The following PYHIN1 variants were observed in gnomAD, a reference collection of about 807,000 sequenced individuals.
PYHIN1 encodes pyrin and HIN domain-containing protein 1.
Under a neutral mutation model 43.7 loss-of-function variants are expected in PYHIN1, and 32 were observed. The observed-to-expected ratio is 0.73, with a 90% CI of 0.55 to 0.98. The LOEUF is 0.98. Among genes scored for constraint, PYHIN1 ranks in the 50% least tolerant of loss-of-function variants. The pLI is 0.00. For synonymous variants in PYHIN1, 205 were observed against 203.1 expected, an observed-to-expected ratio of 1.01 and a Z score of -0.08; for missense variants, 588 against 589.5, an observed-to-expected ratio of 1.00 and a Z score of 0.03.
chr1:158,952,556 T>C (rs1404617724), intron 7 of PYHIN1, among the ~76,000 whole-genome samples: 1 of 152,120 alleles, frequency 6.6e-6, no homozygotes, highest in Non-Finnish European at 1.5e-5. Flanking sequence ...TTTGTTATTT[T>C]GGCTTGGTGA....
chr1:158,963,214 G>A (rs1650428539), intron 7 of PYHIN1, among the ~76,000 whole-genome samples: 1 of 152,156 alleles, frequency 6.6e-6, no homozygotes, highest in African/African-American at 2.4e-5. Flanking sequence ...TCAGACTGGG[G>A]AAGGAACTGC....
chr1:158,945,694 T>C (rs894340075), intron 7 of PYHIN1, among the ~76,000 whole-genome samples: 1 of 152,228 alleles, frequency 6.6e-6, no homozygotes, highest in Non-Finnish European at 1.5e-5. Flanking sequence ...CCATACTTCC[T>C]TGATCTGGGG....
At chr1:158,947,252 T>C (rs538850638) in intron 7 of PYHIN1, among the ~76,000 whole-genome samples, 3 of 152,326 alleles carry the variant, frequency 2.0e-5, no homozygotes, top group African/African-American at 7.2e-5. Flanking sequence ...CATGAAATCA[T>C]TCCTGACTCA....
chr1:158,954,476 C>A (rs1178805053), intron 7 of PYHIN1, among the ~76,000 whole-genome samples: 2 of 145,334 alleles, frequency 1.4e-5, no homozygotes, highest in South Asian at 2.4e-4. Context: ...AATTTTCAAC[C>A]CAGAATTTCA....
At chr1:158,981,506 G>A (rs181844610), downstream of PYHIN1, among the ~76,000 whole-genome samples, 4 of 152,044 alleles carry the variant, frequency 2.6e-5, no homozygotes, top group Non-Finnish European at 5.9e-5. Flanking sequence ...AACAAACAAA[G>A]AAACCATATA....
intron 7 of PYHIN1, among the ~76,000 whole-genome samples, chr1:158,951,787 T>A (rs987074014): frequency 5.3e-5 from 8 of 152,212 alleles, no homozygotes; most frequent in African/African-American, 1.9e-4. Flanking sequence ...CAAAGTTTGC[T>A]CTTAATTGCT....
intron 1 of PYHIN1, among the ~76,000 whole-genome samples, chr1:158,935,188 G>A (rs1250551382): frequency 1.3e-5 from 2 of 151,922 alleles, no homozygotes; most frequent in African/African-American, 4.8e-5. Flanking sequence ...GAGGAATGTG[G>A]GAATGGCTTT....
the PYHIN1 span, among the ~76,000 whole-genome samples, chr1:158,984,941 G>A: frequency 1.3e-5 from 2 of 150,678 alleles, no homozygotes; most frequent in Non-Finnish European, 3.0e-5. Context: ...TTTGGTTTAA[G>A]GTCTGTTTTT....
the PYHIN1 span, among the ~76,000 whole-genome samples, chr1:158,985,092 C>G: frequency 6.6e-6 from 1 of 152,114 alleles, no homozygotes; most frequent in African/African-American, 2.4e-5. Context: ...GTAATTGAGT[C>G]TTGCTTCTTT....
intron 1 of PYHIN1, among the ~76,000 whole-genome samples, chr1:158,932,884 T>C (rs1648250081): frequency 6.6e-6 from 1 of 152,192 alleles, no homozygotes; most frequent in Admixed American, 6.5e-5. Flanking sequence ...AATAGATTTA[T>C]ATTGTCAAAG....
intron 7 of PYHIN1, among the ~76,000 whole-genome samples, chr1:158,948,101 C>G (rs12569215): frequency 6.6e-6 from 1 of 152,210 alleles, no homozygotes; most frequent in Non-Finnish European, 1.5e-5. Flanking sequence ...CTGAAGCATA[C>G]AGATGTGTGC....
chr1:158,978,269 C>G (rs1226669540), downstream of PYHIN1, among the ~76,000 whole-genome samples: 1 of 115,660 alleles, frequency 8.6e-6, no homozygotes, highest in South Asian at 3.1e-4. Context: ...GTGTGTGTGT[C>G]TATACATATA....
the PYHIN1 span, among the ~76,000 whole-genome samples, chr1:158,989,809 T>C: frequency 3.7e-4 from 57 of 152,306 alleles, no homozygotes; most frequent in African/African-American, 1.3e-3. Context: ...TTAAAACTAA[T>C]ACATTCTTAA....
At chr1:158,970,466 G>A (rs1170926587) in intron 7 of PYHIN1, among the ~76,000 whole-genome samples, 1 of 151,818 alleles carries the variant, frequency 6.6e-6, no homozygotes, top group African/African-American at 2.4e-5. Flanking sequence ...AGTCTCCAAT[G>A]TCTATTATCA....
chr1:158,974,893 T>C (rs1651161975), intron 8 of PYHIN1, among the ~76,000 whole-genome samples: 1 of 152,070 alleles, frequency 6.6e-6, no homozygotes, highest in Non-Finnish European at 1.5e-5. Flanking sequence ...TAGACATAAT[T>C]GAACATCCCA....
chr1:158,988,751 G>A, the PYHIN1 span, among the ~76,000 whole-genome samples: 2 of 152,112 alleles, frequency 1.3e-5, no homozygotes, highest in Non-Finnish European at 2.9e-5. Flanking sequence ...AAAATGAGGA[G>A]AGAGATAAAC....
At chr1:158,953,098 T>C (rs1245350598) in intron 7 of PYHIN1, among the ~76,000 whole-genome samples, 1 of 152,140 alleles carries the variant, frequency 6.6e-6, no homozygotes, top group Non-Finnish European at 1.5e-5. Context: ...GCTCCGAGGG[T>C]CCTACGCCCA....
At chr1:158,990,186 T>G in the PYHIN1 span, among the ~76,000 whole-genome samples, 3 of 149,592 alleles carry the variant, frequency 2.0e-5, no homozygotes, top group African/African-American at 7.7e-5. Context: ...ATATTGTTTC[T>G]GATAGAACTT....
chr1:158,986,604 G>A, the PYHIN1 span, among the ~76,000 whole-genome samples: 11 of 152,194 alleles, frequency 7.2e-5, no homozygotes, highest in African/African-American at 1.9e-4. Context: ...TTGGTGCAGC[G>A]AGGCAGAAAC....
Sources: gnomAD v4.1 joint callset for allele counts (sites outside exome capture counted in the v4.1 genomes callset) on GRCh38, gnomAD v4.1.1 for gene constraint, MANE v1.5 for transcripts, NCBI Gene and HGNC (gene_info 2026-07-23, HGNC 2026-07-21) for gene names.